The following CHD4 variants were observed in gnomAD, a reference collection of about 807,000 sequenced individuals.
CHD4 encodes the protein chromodomain helicase DNA binding protein 4.
CHD4 carries 35 observed loss-of-function variants against 235.5 expected under a neutral mutation model. The ratio of observed to expected loss-of-function variants is 0.15; its 90% CI spans 0.11 to 0.20. The LOEUF is 0.20. Among genes scored for constraint, CHD4 ranks in the 10% least tolerant of loss-of-function variants. CHD4 has a pLI of 1.00. For missense variants in CHD4, 1,329 were observed against 2,432.3 expected, an observed-to-expected ratio of 0.55 and a Z score of 9.54; for synonymous variants, 900 against 850.2, an observed-to-expected ratio of 1.06 and a Z score of -1.02.
In CHD4 at chr12:6,573,283, A is replaced by C. The variant is rs745772053; in HGVS notation, c.5362-14T>G. 6.5e-7 allele frequency: 1 copy of C among 1,534,064 alleles called. No homozygotes were observed. Among genetic ancestry groups the C allele is most frequent in the Admixed American group, 2.4e-5 (1 of 42,520 alleles). ...TTGTTCTAAGAGCTGGACAAGGGAT[A>C]AGAGGAAACGGGAGTTCGACTGATA... On this transcript the variant is annotated splice_polypyrimidine_tract_variant and intron_variant, in intron 37 of 39. Transcript: ENST00000544040.
chr12:6,581,610 A>T (rs1293397841), intron 31 of CHD4, 39 bp downstream of exon 31: 1 of 1,614,090 alleles, frequency 6.2e-7, no homozygotes, highest in African/African-American at 1.3e-5. Context: ...GCCAGGACAA[A>T]AAGAGAGGGA....
chr12:6,606,737 C>G (rs1429140359), intron 1 of CHD4: 1 of 169,230 alleles, frequency 5.9e-6, no homozygotes, highest in Admixed American at 6.4e-5. Flanking sequence ...GGGAGGGGGT[C>G]CGAGTGGCAG....
intron 2 of CHD4, among the ~76,000 whole-genome samples, chr12:6,605,563 T>G (rs1472706880): frequency 6.6e-6 from 1 of 152,066 alleles, no homozygotes; most frequent in Admixed American, 6.5e-5. Flanking sequence ...GGCTACCTCA[T>G]AGAGACAGAA....
rs1457043358 is a variant in CHD4 at position 6,592,427 on chromosome 12, G to A, written c.2914C>T (p.Leu972=). The change falls in exon 19 of 40, where the codon CTA becomes TTA. Residue 972 remains leucine, a synonymous_variant. Transcript: ENST00000544040. ...GGGCTCAGCTCCACACGCACAATTAGTTCTGTCTTGGAGGGCATGTTCTTG... is the reference window on the plus strand; with the variant it reads ...GGGCTCAGCTCCACACGCACAATTAATTCTGTCTTGGAGGGCATGTTCTTG... The part of the protein sequence containing the change: ...VFKNMPSKTE[L]IVRVELSPMQ... 1 of 1,602,696 alleles carries A rather than the reference G, an allele frequency of 6.2e-7. No homozygotes were observed. The highest frequency in any genetic ancestry group is 1.1e-5 in the South Asian group (1 of 90,248).
At chr12:6,584,982 G>A (rs1264434029) in intron 25 of CHD4, among the ~76,000 whole-genome samples, 3 of 152,110 alleles carry the variant, frequency 2.0e-5, no homozygotes, top group Admixed American at 6.5e-5. Context: ...GAGGTTGGAC[G>A]CATTACCTTC....
chr12:6,599,939 C>A lies in CHD4; in HGVS notation c.1316G>T (p.Gly439Val). The A allele has an allele frequency of 6.2e-7, 1 of 1,614,130 alleles. No individual in the cohort carries two copies. The highest frequency in any genetic ancestry group is 1.3e-5 in the African/African-American group (1 of 75,022). Residue 439 changes from glycine (G) to valine (V), a missense_variant, in exon 10 of 40, where the codon GGA becomes GTA. Physicochemically the swap from Gly to Val is moderately radical, Grantham distance 109. Around this residue, in one of 26 missense-constraint regions of CHD4, gnomAD observed 37 missense variants for 49.9 expected, o/e 0.74. Coordinates refer to ENST00000544040, the MANE Select transcript of CHD4 (RefSeq NM_001273.5). ...GTGGTCATCCTCCTCTTCGAGGTCT[C>A]CCCCAACCTCTTCCAGGATCTCCTC... ...EGEEILEEVG[G>V]DLEEEDDHHM...
In CHD4 at chr12:6,587,543, C is replaced by T; in HGVS notation, c.3720G>A (p.Glu1240=). The T allele has an allele frequency of 1.9e-6, 3 of 1,614,104 alleles. No homozygotes were observed. Among genetic ancestry groups the T allele is most frequent in the Non-Finnish European group, 1.7e-6 (2 of 1,179,990 alleles). ...EATDGGGDNK[E]GEDSSVIHYD... is the part of the protein sequence containing the mutation. The stretch of plus-strand genomic sequence containing the variant: ...AGTGGATAACACTGCTATCTTCTCC[C>T]TCTTTGTTGTCTCCTCCTATAAAAA... Residue 1240 remains glutamate, a synonymous_variant, in exon 25 of 40, where the codon GAG becomes GAA. Coordinates refer to ENST00000544040, the MANE Select transcript of CHD4 (RefSeq NM_001273.5).
chr12:6,579,089 C>A, intron 33 of CHD4, 172 bp from the exon 34 acceptor site: 1 of 439,522 alleles, frequency 2.3e-6, no homozygotes, highest in South Asian at 2.7e-5. Context: ...CAGCAGCAGG[C>A]AGATCACTTG....
intron 33 of CHD4, chr12:6,580,715 A>AAAAAAAACAAAC: frequency 4.4e-6 from 1 of 226,938 alleles, no homozygotes; most frequent in Non-Finnish European, 8.2e-6. Flanking sequence ...AAAAAAAAAA[A>AAAAAAAACAAAC]AAAAAAAAAA....
rs750177796 is a variant in CHD4 at position 6,601,005 on chromosome 12, G to A, written c.848C>T (p.Ala283Val). 3 of 1,606,764 alleles carry A rather than the reference G, an allele frequency of 1.9e-6. No homozygotes were observed. Among genetic ancestry groups the A allele is most frequent in the Non-Finnish European group, 2.5e-6 (3 of 1,177,560 alleles). ...KPKGSPRVPDAKKPKPKKVAP... is the reference protein window; with the variant it reads ...KPKGSPRVPDVKKPKPKKVAP... ...TACTTTCTTGGGTTTAGGCTTCTTG[G>A]CATCAGGTACACGAGGGCTGCCCTT... The change falls in exon 7 of 40, where the codon GCC becomes GTC. Residue 283 changes from alanine to valine, a missense_variant. Physicochemically the swap from Ala to Val is moderately conservative, Grantham distance 64 (BLOSUM62 0). Transcript: ENST00000544040.
Position 6,570,133 on chromosome 12 carries a change from G to GT in CHD4, c.*542dup, listed in dbSNP as rs1372242027. On this transcript the variant is annotated 3_prime_UTR_variant, in exon 40 of 40. Coordinates refer to ENST00000544040, the MANE Select transcript of CHD4 (RefSeq NM_001273.5). ...AATTTTCATCAAGAAATTTGCTGTG[G>GT]TTTTTTATGCTTTTGGTTTTTTCCT... The GT allele has an allele frequency of 2.0e-5, 3 of 150,978 alleles. No individual in the cohort carries two copies. The highest frequency in any genetic ancestry group is 2.9e-5 in the Non-Finnish European group (2 of 67,920). 9.4% of individuals were successfully genotyped at this position (150,978 alleles called of 1,614,324 possible).
chr12:6,588,220 G>A (rs1013793954), intron 23 of CHD4, 78 bp downstream of exon 23: 1 of 1,530,174 alleles, frequency 6.5e-7, no homozygotes, highest in Non-Finnish European at 8.9e-7. Flanking sequence ...ATTCCAGATG[G>A]TGGAGCCCTC....
chr12:6,582,979 TAAAC>T, intron 27 of CHD4, 43 bp from the exon 28 acceptor site: 1 of 1,599,996 alleles, frequency 6.3e-7, no homozygotes, highest in Non-Finnish European at 8.5e-7. Flanking sequence ...GGTAGGATAT[TAAAC>T]AAAGCAACAT....
chr12:6,573,853 G>A (rs1288319204), intron 37 of CHD4, among the ~76,000 whole-genome samples: 1 of 151,892 alleles, frequency 6.6e-6, no homozygotes, highest in Non-Finnish European at 1.5e-5. Context: ...ACAAAACCCC[G>A]TCTCTACTAA....
intron 21 of CHD4, 37 bp from the exon 22 acceptor site, chr12:6,591,620 G>A (rs1487914821): frequency 1.9e-6 from 3 of 1,613,448 alleles, no homozygotes; most frequent in Non-Finnish European, 2.5e-6. Context: ...GGAAGAGTCA[G>A]ATGGTAATCC....
chr12:6,591,610 G>C (rs762231502), intron 21 of CHD4, 27 bp from the exon 22 acceptor site: 1 of 1,613,540 alleles, frequency 6.2e-7, no homozygotes, highest in African/African-American at 1.3e-5. Flanking sequence ...GTTTAATTAT[G>C]GAAGAGTCAG....
At chr12:6,595,487 C>A in intron 13 of CHD4, 57 bp from the exon 14 acceptor site, 1 of 1,491,036 alleles carries the variant, frequency 6.7e-7, no homozygotes, top group Non-Finnish European at 9.3e-7. Context: ...GAAGAAACAA[C>A]TTGGCCAGGC....
chr12:6,591,622 T>G (rs201605768), intron 21 of CHD4, 39 bp from the exon 22 acceptor site: 162 of 1,613,674 alleles, frequency 1.0e-4, no homozygotes, highest in Admixed American at 8.2e-4. Context: ...AAGAGTCAGA[T>G]GGTAATCCCT....
chr12:6,583,967 C>T (rs932705269), intron 25 of CHD4: 2 of 152,180 alleles, frequency 1.3e-5, no homozygotes, highest in Admixed American at 6.6e-5. Flanking sequence ...AATTAAACAG[C>T]TGCTAATAGC....
Sources: gnomAD v4.1 joint callset for allele counts (sites outside exome capture counted in the v4.1 genomes callset) on GRCh38, gnomAD v4.1.1 for gene constraint, gnomAD v4.1.1 regional missense constraint, MANE v1.5 for transcripts, NCBI Gene and HGNC (gene_info 2026-07-23, HGNC 2026-07-21) for gene names.